EBF4: variants seen among roughly 807,000 people sequenced by gnomAD.
EBF4 encodes transcription factor COE4.
EBF4 carries 34 observed loss-of-function variants against 67.1 expected under a neutral mutation model. The ratio of observed to expected loss-of-function variants is 0.51; its 90% confidence interval spans 0.39 to 0.67. EBF4 has a LOEUF of 0.67. EBF4 is among the 30% of genes least tolerant of loss of function. EBF4 has a pLI of 0.00. For missense variants in EBF4, 837 were observed against 873.3 expected, an observed-to-expected ratio of 0.96 and a Z score of 0.52; for synonymous variants, 387 against 377.7, an observed-to-expected ratio of 1.02 and a Z score of -0.29.
intron 10 of EBF4, among the ~76,000 whole-genome samples, chr20:2,750,340 A>G (rs889574555): frequency 6.6e-6 from 1 of 152,120 alleles, no homozygotes; most frequent in African/African-American, 2.4e-5. Flanking sequence ...AAAGATGCCA[A>G]TGGGGTCGCT....
Position 2,755,892 on chromosome 20 carries a change from G to A in EBF4, c.1738+68G>A, listed in dbSNP as rs2088236454. On this transcript the variant is annotated intron_variant, in intron 15 of 16. Coordinates refer to ENST00000609451, the Ensembl canonical transcript of EBF4. The surrounding 1 kb of genome is among the most constrained non-coding windows in gnomAD (Gnocchi z 4.7). Reference sequence around the variant, plus strand: ...CCTTGTGGAGCAGCTGGGCTACAGGGGCCTGCTCTGTCCACATCTCACCAG... The same window carrying A: ...CCTTGTGGAGCAGCTGGGCTACAGGAGCCTGCTCTGTCCACATCTCACCAG... 2 of 1,431,332 alleles carry A rather than the reference G, an allele frequency of 1.4e-6. No individual in the cohort carries two copies. Among genetic ancestry groups the A allele is most frequent in the Admixed American group, 2.1e-5 (1 of 47,882 alleles). 88.7% of individuals were successfully genotyped at this position (1,431,332 alleles called of 1,614,324 possible).
At position 2,731,920 on chromosome 20, in the gene EBF4, C is replaced by T. The variant is rs143870083; in HGVS notation, c.558-16629C>T. ...GCCACTTCACATTGTGTGTGCAGAG[C>T]TTCAACACACAGAATGTGAGTTTCT... On this transcript the variant is annotated intron_variant, in intron 6 of 16. Coordinates refer to ENST00000609451, the Ensembl canonical transcript of EBF4. Among the ~76,000 whole-genome samples, 100 of 152,298 alleles carry T rather than the reference C, an allele frequency of 6.6e-4. 1 individual carries two copies. The highest frequency in any genetic ancestry group is 3.4e-3 in the Middle Eastern group (1 of 294).
rs1456458634 is a variant in EBF4, at chr20:2,751,073, G to A, written c.1019-627G>A. Among the ~76,000 whole-genome samples the A allele has an allele frequency of 6.6e-6, 1 of 151,956 alleles. No homozygotes were observed. The highest frequency in any genetic ancestry group is 2.1e-4 in the South Asian group (1 of 4,822). On this transcript the variant is annotated intron_variant, in intron 10 of 16. Transcript: ENST00000609451. This position sits in a 1 kb window ranked among gnomAD's most constrained non-coding sequence, Gnocchi z 5.2. ...GGGCGTGGGGAGCTGGGTCAGACGC[G>A]CATACACACACACACCCCTTGCACA...
Position 2,709,660 on chromosome 20 carries a change from G to A in EBF4, c.557+18G>A, listed in dbSNP as rs899862120. 12 of 1,524,744 alleles carry A rather than the reference G, an allele frequency of 7.9e-6. No homozygotes were observed. The highest frequency in any genetic ancestry group is 1.1e-5 in the Non-Finnish European group (12 of 1,130,454). 94.5% of individuals were successfully genotyped at this position (1,524,744 alleles called of 1,614,324 possible). Reference sequence around the variant, plus strand: ...ATTGACAGGTACAGGCTCAGGGAGGGGGCCTGGAAGCTCAGAGGAGAGTGG... The same window carrying A: ...ATTGACAGGTACAGGCTCAGGGAGGAGGCCTGGAAGCTCAGAGGAGAGTGG... On this transcript the variant is annotated intron_variant, in intron 6 of 16. Transcript: ENST00000609451.
At chr20:2,713,976 A>G (rs2087575903) in intron 6 of EBF4, among the ~76,000 whole-genome samples, 1 of 152,238 alleles carries the variant, frequency 6.6e-6, no homozygotes, top group South Asian at 2.1e-4. Context: ...CTATACTGAC[A>G]TTGAAATAAC....
intron 6 of EBF4, among the ~76,000 whole-genome samples, chr20:2,711,396 A>T (rs1394875055): frequency 6.6e-6 from 1 of 152,144 alleles, no homozygotes; most frequent in Non-Finnish European, 1.5e-5. Flanking sequence ...CTTTTCAGGG[A>T]TTTAAAAATG....
At chr20:2,702,841 C>T (rs372394795) in intron 1 of EBF4, among the ~76,000 whole-genome samples, 1 of 152,194 alleles carries the variant, frequency 6.6e-6, no homozygotes, top group East Asian at 1.9e-4. Context: ...GCAGCAGCCT[C>T]TCTCTTGTCC....
At chr20:2,710,164 T>C (rs1241584555) in intron 6 of EBF4, among the ~76,000 whole-genome samples, 2 of 152,196 alleles carry the variant, frequency 1.3e-5, no homozygotes, top group African/African-American at 4.8e-5. Context: ...TTATTTTGTG[T>C]GTGTGTGTTT....
At chr20:2,742,513 T>G (rs558771235) in intron 6 of EBF4, among the ~76,000 whole-genome samples, 1 of 152,354 alleles carries the variant, frequency 6.6e-6, no homozygotes, top group East Asian at 1.9e-4. Flanking sequence ...TGGAAGCTTC[T>G]GCGACTTGGC....
intron 6 of EBF4, among the ~76,000 whole-genome samples, chr20:2,737,249 T>G (rs1417175967): frequency 1.8e-5 from 1 of 56,344 alleles, no homozygotes; most frequent in Non-Finnish European, 3.2e-5. Flanking sequence ...AAACTCCGTC[T>G]CAAAAAAAAA....
chr20:2,703,952 G>A (rs540409057), intron 1 of EBF4, among the ~76,000 whole-genome samples: 2 of 152,208 alleles, frequency 1.3e-5, no homozygotes, highest in East Asian at 1.9e-4. Flanking sequence ...GCTGGCTATC[G>A]GCAGGAGGCC....
In EBF4 at chr20:2,707,280, A is replaced by G. The variant is rs1038220308; in HGVS notation, c.415-667A>G. On this transcript the variant is annotated intron_variant, in intron 4 of 16. Coordinates refer to ENST00000609451, the Ensembl canonical transcript of EBF4. This position sits in a 1 kb window ranked among gnomAD's most constrained non-coding sequence, Gnocchi z 4.6. The stretch of plus-strand genomic sequence containing the variant: ...AAGTCCACAGAGAGAGGGATCCCAC[A>G]AATGGGGGAAGGCACAGAGGGTTAT... Among the ~76,000 whole-genome samples, 1 of 152,074 alleles carries G rather than the reference A, an allele frequency of 6.6e-6. No individual in the cohort carries two copies. Among genetic ancestry groups the G allele is most frequent in the Non-Finnish European group, 1.5e-5 (1 of 68,010 alleles).
exon 17 of EBF4, chr20:2,759,292 C>T (rs957881085): frequency 9.6e-6 from 4 of 415,818 alleles, no homozygotes; most frequent in Admixed American, 3.6e-5. Context: ...CCATGGAGCC[C>T]GGACTGGAGG....
chr20:2,750,353 TC>T (rs2088124305), intron 10 of EBF4, among the ~76,000 whole-genome samples: 1 of 152,100 alleles, frequency 6.6e-6, no homozygotes, highest in East Asian at 1.9e-4. Flanking sequence ...GGGTCGCTGC[TC>T]CCCGAATCTT....
Position 2,736,687 on chromosome 20 carries a change from C to T in EBF4, c.558-11862C>T, listed in dbSNP as rs564164158. On this transcript the variant is annotated intron_variant, in intron 6 of 16. Transcript: ENST00000609451. ...TCCCTCTTGCCACCTGAATGCACTG[C>T]ACTTCCTTCCCCATTCCCCCCAACC... 3.3e-5 allele frequency among the ~76,000 whole-genome samples: 5 copies of T among 152,336 alleles called. No homozygotes were observed. The South Asian group carries it at 1.0e-3, about 32-fold the overall frequency.
intron 1 of EBF4, among the ~76,000 whole-genome samples, chr20:2,702,287 G>A (rs73578053): frequency 0.11 from 16,226 of 152,186 alleles, 927 homozygotes; most frequent in Admixed American, 0.14. Flanking sequence ...AATTAGCTGG[G>A]CATGGTGGCT....
chr20:2,733,814 AG>A (rs2087845291), intron 6 of EBF4, among the ~76,000 whole-genome samples: 1 of 149,708 alleles, frequency 6.7e-6, no homozygotes, highest in Non-Finnish European at 1.5e-5. Flanking sequence ...ATAGCTGATG[AG>A]AAAAAAAAAA....
At chr20:2,711,547 T>C (rs1441810219) in intron 6 of EBF4, among the ~76,000 whole-genome samples, 1 of 152,246 alleles carries the variant, frequency 6.6e-6, no homozygotes, top group Non-Finnish European at 1.5e-5. Context: ...CTGTAGGGGT[T>C]ATACCAACAG....
chr20:2,740,891 G>T (rs1411630312), intron 6 of EBF4, among the ~76,000 whole-genome samples: 1 of 152,112 alleles, frequency 6.6e-6, no homozygotes, highest in Non-Finnish European at 1.5e-5. Flanking sequence ...TATGCTCTTG[G>T]CTGAGGGTAA....
Sources: gnomAD v4.1 joint callset for allele counts (sites outside exome capture counted in the v4.1 genomes callset) on GRCh38, gnomAD v4.1.1 for gene constraint, Gnocchi (gnomAD v3.1) non-coding constraint, MANE v1.5 for transcripts, NCBI Gene and HGNC (gene_info 2026-07-23, HGNC 2026-07-21) for gene names.